Variants in TMEM108 observed in about 807,000 individuals in gnomAD.
TMEM108 encodes transmembrane protein 108, also known as cancer/testis antigen 124.
Under a neutral mutation model 35.1 loss-of-function variants are expected in TMEM108, and 12 were observed. The ratio of observed to expected loss-of-function variants is 0.34; its 90% confidence interval spans 0.22 to 0.55. The LOEUF (loss-of-function observed/expected upper bound fraction) is 0.55. TMEM108 is among the 20% of genes least tolerant of loss of function. The pLI, the probability that TMEM108 is intolerant of heterozygous loss-of-function variation, is 0.89. For missense variants in TMEM108, 680 were observed against 753.3 expected (o/e 0.90, Z 1.14); for synonymous variants, 287 against 308.6 (o/e 0.93, Z 0.73).
At chr3:133,155,533 T>C (rs1944867984) in intron 2 of TMEM108, among the ~76,000 whole-genome samples, 1 of 152,180 alleles carries the variant, frequency 6.6e-6, no homozygotes. Flanking sequence ...GTTTGAGTTT[T>C]TAATAATAGC....
chr3:133,332,082 GCA>G (rs66877804), intron 3 of TMEM108, among the ~76,000 whole-genome samples: 47,099 of 150,756 alleles, frequency 0.31, 7,825 homozygotes, highest in Middle Eastern at 0.41. Flanking sequence ...GTGCGCACGT[GCA>G]CACACACACA....
intron 3 of TMEM108, among the ~76,000 whole-genome samples, chr3:133,296,646 A>G (rs1376379295): frequency 6.6e-6 from 1 of 152,094 alleles, no homozygotes; most frequent in Non-Finnish European, 1.5e-5. Flanking sequence ...CAGGCTGGAA[A>G]AGGAACATCC....
intron 3 of TMEM108, among the ~76,000 whole-genome samples, chr3:133,232,426 A>G (rs996501671): frequency 2.6e-5 from 4 of 152,140 alleles, no homozygotes; most frequent in Non-Finnish European, 5.9e-5. Flanking sequence ...TTCCACCACC[A>G]GTGGAAGCAG....
chr3:133,068,744 G>A (rs1386673809), intron 2 of TMEM108, among the ~76,000 whole-genome samples: 1 of 152,192 alleles, frequency 6.6e-6, no homozygotes, highest in Non-Finnish European at 1.5e-5. Flanking sequence ...AGGATATAAA[G>A]TGGGGTCCTT....
At chr3:133,310,854 C>T (rs2071119345) in intron 3 of TMEM108, among the ~76,000 whole-genome samples, 1 of 152,156 alleles carries the variant, frequency 6.6e-6, no homozygotes, top group African/African-American at 2.4e-5. Flanking sequence ...TTTGCAGTGG[C>T]TGGTAGCAGT....
intron 2 of TMEM108, among the ~76,000 whole-genome samples, chr3:133,141,283 G>A (rs1944637499): frequency 6.6e-6 from 1 of 152,102 alleles, no homozygotes; most frequent in Non-Finnish European, 1.5e-5. Flanking sequence ...TCATTTCCAG[G>A]TCAGTGAAGC....
chr3:133,124,296 A>C lies in TMEM108; in HGVS notation c.-47+78276A>C, dbSNP rs542300124. Among the ~76,000 whole-genome samples, 9 of 152,290 alleles carry C rather than the reference A, an allele frequency of 5.9e-5. No individual in the cohort carries two copies. The South Asian group carries it at 1.9e-3, about 32-fold the overall frequency. On this transcript the variant is annotated intron_variant, in intron 2 of 5. Transcript: ENST00000321871. ...CTGGTTTCCAGCCTGTTAAATAAAAACCAAAAGGTGTGACGTACATGGCAA... is the reference window on the plus strand; with the variant it reads ...CTGGTTTCCAGCCTGTTAAATAAAACCCAAAAGGTGTGACGTACATGGCAA...
At chr3:133,180,131 T>G (rs1945310258) in intron 2 of TMEM108, among the ~76,000 whole-genome samples, 1 of 152,166 alleles carries the variant, frequency 6.6e-6, no homozygotes, top group Non-Finnish European at 1.5e-5. Context: ...AAATAACATG[T>G]TCTTTTTTGC....
intron 2 of TMEM108, among the ~76,000 whole-genome samples, chr3:133,136,591 AC>A (rs1158290663): frequency 6.6e-6 from 1 of 152,294 alleles, no homozygotes; most frequent in African/African-American, 2.4e-5. Context: ...GCTTCTTCCC[AC>A]CAGGGTGTGA....
intron 2 of TMEM108, among the ~76,000 whole-genome samples, chr3:133,092,932 G>C (rs1271946618): frequency 4.2e-5 from 6 of 141,350 alleles, no homozygotes; most frequent in Non-Finnish European, 9.8e-5. Flanking sequence ...AAGTTCCTCT[G>C]CCATGTCTGT....
intron 3 of TMEM108, among the ~76,000 whole-genome samples, chr3:133,360,849 T>C (rs2072327106): frequency 6.6e-6 from 1 of 152,220 alleles, no homozygotes. Context: ...CCAACTGGAC[T>C]TCAAGGTAAG....
At chr3:133,055,000 G>A (rs1194387156) in intron 2 of TMEM108, among the ~76,000 whole-genome samples, 1 of 152,178 alleles carries the variant, frequency 6.6e-6, no homozygotes, top group African/African-American at 2.4e-5. Context: ...TGTTACTGAA[G>A]GGTGATGGAG....
intron 2 of TMEM108, among the ~76,000 whole-genome samples, chr3:133,116,520 A>C (rs1944289659): frequency 6.6e-6 from 1 of 152,084 alleles, no homozygotes; most frequent in Non-Finnish European, 1.5e-5. Context: ...AAAATGGGGG[A>C]GGCATATTAC....
At position 133,309,980 on chromosome 3, in the gene TMEM108, G is replaced by A. The variant is rs568240860; in HGVS notation, c.41-69772G>A. Among the ~76,000 whole-genome samples the A allele has an allele frequency of 3.9e-5, 6 of 152,254 alleles. No individual in the cohort carries two copies. The East Asian group carries it at 5.8e-4, about 15-fold the overall frequency. On this transcript the variant is annotated intron_variant, in intron 3 of 5. Transcript: ENST00000321871. The stretch of plus-strand genomic sequence containing the variant: ...CTCCCAAAGTGCTGGGATTACAGGC[G>A]TGAGCCACCGCGCCCGGCCTTGAGT...
intron 2 of TMEM108, among the ~76,000 whole-genome samples, chr3:133,124,180 A>G (rs1023457647): frequency 6.6e-6 from 1 of 152,246 alleles, no homozygotes; most frequent in African/African-American, 2.4e-5. Context: ...GGAAAAAAAT[A>G]TGGAAAGCAG....
intron 3 of TMEM108, among the ~76,000 whole-genome samples, chr3:133,283,013 CAGGA>C (rs1946936856): frequency 1.3e-5 from 2 of 152,106 alleles, no homozygotes; most frequent in African/African-American, 4.8e-5. Flanking sequence ...CAAGAAAACT[CAGGA>C]AGGTCACACA....
intron 3 of TMEM108, among the ~76,000 whole-genome samples, chr3:133,321,435 A>T (rs991467804): frequency 7.9e-5 from 12 of 152,352 alleles, no homozygotes; most frequent in South Asian, 2.1e-4. Flanking sequence ...ACATTATATA[A>T]TGATAAAAGG....
At chr3:133,317,039 A>G (rs2071208580) in intron 3 of TMEM108, among the ~76,000 whole-genome samples, 1 of 151,640 alleles carries the variant, frequency 6.6e-6, no homozygotes, top group Non-Finnish European at 1.5e-5. Flanking sequence ...CAGGATGGGA[A>G]GGTTTGTAGA....
intron 2 of TMEM108, among the ~76,000 whole-genome samples, chr3:133,109,368 C>T (rs1944198560): frequency 6.6e-6 from 1 of 152,084 alleles, no homozygotes. Flanking sequence ...TGGCTCACGC[C>T]TGTAATCCCA....
Sources: allele counts gnomAD v4.1 joint callset (sites outside exome capture counted in the v4.1 genomes callset), GRCh38; gene constraint gnomAD v4.1.1; transcripts MANE v1.5; gene names NCBI Gene and HGNC (gene_info 2026-07-23, HGNC 2026-07-21).